The following FOXP2 variants were observed in gnomAD, a reference collection of about 807,000 sequenced individuals.
FOXP2 encodes the protein forkhead box protein P2.
A neutral mutation model predicts 115.8 loss-of-function variants in FOXP2; 12 were observed. The ratio of observed to expected loss-of-function variants is 0.10; its 90% CI spans 0.07 to 0.17. The LOEUF (loss-of-function observed/expected upper bound fraction) is 0.17. FOXP2 is among the 10% of genes least tolerant of loss of function. FOXP2 has a pLI of 1.00. For missense variants in FOXP2, 629 were observed against 843.5 expected (o/e 0.75, Z 3.15); for synonymous variants, 328 against 297.7 (o/e 1.10, Z -1.05).
At chr7:114,432,063 G>C (rs1181790688) in intron 2 of FOXP2, among the ~76,000 whole-genome samples, 1 of 151,862 alleles carries the variant, frequency 6.6e-6, no homozygotes, top group Non-Finnish European at 1.5e-5. Context: ...GCCTTCAAAA[G>C]CACACTCTAT....
chr7:114,690,015 TG>T lies in FOXP2; in HGVS notation c.*90del. On this transcript the variant is annotated 3_prime_UTR_variant, in exon 17 of 17. Transcript: ENST00000350908. ...CCATGAATATTTGACAAATTTTTAC[TG>T]TGACTATTTATTAAGCATGGATAAA... The T allele has an allele frequency of 6.7e-7, 1 of 1,499,150 alleles. No homozygotes were observed. The highest frequency in any genetic ancestry group is 9.2e-7 in the Non-Finnish European group (1 of 1,085,354). 92.9% of individuals were successfully genotyped at this position (1,499,150 alleles called of 1,614,324 possible). A position where few individuals can be genotyped will look rare whatever the true frequency, so the allele number is the denominator to read the frequency against.
rs116862574 is a variant in FOXP2 at position 114,427,174 on chromosome 7, T to C, written c.168+495T>C. 5.9e-5 allele frequency among the ~76,000 whole-genome samples: 9 copies of C among 151,812 alleles called. No homozygotes were observed. The East Asian group carries it at 1.2e-3, about 20-fold the overall frequency. On this transcript the variant is annotated intron_variant, in intron 2 of 16. Coordinates refer to ENST00000350908, the MANE Select transcript of FOXP2 (RefSeq NM_014491.4). ...TTGAAATCTGCTGAGAGATTGTAAA[T>C]CATGTAAACACTACGATCTGTTGCT...
chr7:114,615,709 T>C (rs1803909047), intron 3 of FOXP2, among the ~76,000 whole-genome samples: 1 of 152,202 alleles, frequency 6.6e-6, no homozygotes, highest in African/African-American at 2.4e-5. Context: ...AGTGGTTTAC[T>C]GTGGGTCTCT....
intron 6 of FOXP2, among the ~76,000 whole-genome samples, chr7:114,641,880 A>C (rs573394493): frequency 1.3e-5 from 2 of 152,132 alleles, no homozygotes; most frequent in African/African-American, 4.8e-5. Context: ...ATCTCAGCTC[A>C]CTGCAACCTC....
intron 1 of FOXP2, among the ~76,000 whole-genome samples, chr7:114,245,136 A>G (rs1366540181): frequency 6.6e-6 from 1 of 151,880 alleles, no homozygotes; most frequent in African/African-American, 2.4e-5. Context: ...TTCATTATGG[A>G]TTATACCTTT....
chr7:114,282,300 C>A (rs1381262000), intron 1 of FOXP2, among the ~76,000 whole-genome samples: 1 of 152,086 alleles, frequency 6.6e-6, no homozygotes, highest in East Asian at 1.9e-4. Flanking sequence ...TAGTTTAAAT[C>A]ACTAGTTTTT....
intron 6 of FOXP2, among the ~76,000 whole-genome samples, chr7:114,633,090 A>G (rs1286662947): frequency 2.0e-5 from 3 of 152,074 alleles, no homozygotes; most frequent in African/African-American, 4.8e-5. Flanking sequence ...TGTATTTAGG[A>G]TATAATTATA....
intron 2 of FOXP2, among the ~76,000 whole-genome samples, chr7:114,441,934 T>C (rs2129212824): frequency 6.6e-6 from 1 of 152,356 alleles, no homozygotes; most frequent in East Asian, 1.9e-4. Flanking sequence ...GCAACCACTT[T>C]AGAAAATAGT....
chr7:114,094,615 G>A (rs139979960), intron 1 of FOXP2, among the ~76,000 whole-genome samples: 1,614 of 152,198 alleles, frequency 0.011, 7 homozygotes, highest in Admixed American at 0.018. Flanking sequence ...GCCAGGCAAA[G>A]TGGGTTTTAT....
At chr7:114,233,073 T>C (rs534907002) in intron 1 of FOXP2, among the ~76,000 whole-genome samples, 4 of 152,156 alleles carry the variant, frequency 2.6e-5, no homozygotes, top group Non-Finnish European at 5.9e-5. Context: ...TATGAATACA[T>C]ACTAGAGATC....
upstream of FOXP2, among the ~76,000 whole-genome samples, chr7:114,413,094 A>T (rs1379599381): frequency 6.6e-6 from 1 of 152,148 alleles, no homozygotes; most frequent in Non-Finnish European, 1.5e-5. Context: ...GAAGAGCATT[A>T]TGTTATCATT....
chr7:114,547,533 G>A (rs6466489), intron 3 of FOXP2, among the ~76,000 whole-genome samples: 26,185 of 152,098 alleles, frequency 0.17, 2,702 homozygotes, highest in African/African-American at 0.29. Context: ...CGAGGCGGGC[G>A]GGTCACGAGG....
intron 1 of FOXP2, among the ~76,000 whole-genome samples, chr7:114,270,524 T>G (rs1298755961): frequency 6.6e-6 from 1 of 152,180 alleles, no homozygotes; most frequent in Admixed American, 6.6e-5. Context: ...CTAATAGATA[T>G]GTAGTGGTAT....
intron 8 of FOXP2, among the ~76,000 whole-genome samples, chr7:114,647,068 A>G (rs1805952585): frequency 6.6e-6 from 1 of 151,870 alleles, no homozygotes; most frequent in Non-Finnish European, 1.5e-5. Context: ...TTTTAGGAAA[A>G]TATTATTGTG....
chr7:114,185,051 C>G (rs1365162538), intron 1 of FOXP2, among the ~76,000 whole-genome samples: 3 of 152,112 alleles, frequency 2.0e-5, no homozygotes, highest in African/African-American at 7.2e-5. Context: ...TTAAACTTAC[C>G]TAGATTTAAA....
At chr7:114,469,890 A>G (rs1795974029) in intron 2 of FOXP2, among the ~76,000 whole-genome samples, 1 of 152,142 alleles carries the variant, frequency 6.6e-6, no homozygotes, top group Admixed American at 6.6e-5. Flanking sequence ...GAAGCTATTT[A>G]AATTATTTTG....
At chr7:114,222,321 A>G (rs1794645526) in intron 1 of FOXP2, among the ~76,000 whole-genome samples, 1 of 151,938 alleles carries the variant, frequency 6.6e-6, no homozygotes. Flanking sequence ...ATGGCTGGCT[A>G]ATTTTTTAAT....
At chr7:114,250,295 T>C (rs1454841999) in intron 1 of FOXP2, among the ~76,000 whole-genome samples, 2 of 152,060 alleles carry the variant, frequency 1.3e-5, no homozygotes, top group African/African-American at 4.8e-5. Flanking sequence ...ATTTATAATC[T>C]TTTGGGTATA....
At chr7:114,254,833 C>A (rs1463277212) in intron 1 of FOXP2, among the ~76,000 whole-genome samples, 1 of 152,172 alleles carries the variant, frequency 6.6e-6, no homozygotes, top group Non-Finnish European at 1.5e-5. Context: ...CCATTGCTGG[C>A]GAGGAGCTGC....
Sources: allele counts gnomAD v4.1 joint callset (sites outside exome capture counted in the v4.1 genomes callset), GRCh38; gene constraint gnomAD v4.1.1; transcripts MANE v1.5; gene names NCBI Gene and HGNC (gene_info 2026-07-23, HGNC 2026-07-21).